Variants in PDSS2 observed in about 807,000 individuals in gnomAD.
The protein encoded by PDSS2 is decaprenyl diphosphate synthase subunit 2, also known as all trans-polyprenyl-diphosphate synthase PDSS2.
A neutral mutation model predicts 44.5 loss-of-function variants in PDSS2; 31 were observed. The observed-to-expected ratio is 0.70, with a 90% CI of 0.52 to 0.94. The LOEUF is 0.94. Ranked by LOEUF, PDSS2 falls within the 40% of genes least tolerant of loss-of-function variation. PDSS2 has a pLI of 0.00. For missense variants in PDSS2, 452 were observed against 482.2 expected (o/e 0.94, Z 0.59); for synonymous variants, 157 against 180.3 (o/e 0.87, Z 1.03).
chr6:107,189,076 T>A (rs1245594954), intron 7 of PDSS2, among the ~76,000 whole-genome samples: 1 of 152,058 alleles, frequency 6.6e-6, no homozygotes, highest in Non-Finnish European at 1.5e-5. Context: ...TACCTAGCTA[T>A]TTTTTAATAT....
rs1480140143 is a variant in PDSS2, at chr6:107,217,105, CA to C, written c.703-4824del. Among the ~76,000 whole-genome samples, 4 of 152,262 alleles carry C rather than the reference CA, an allele frequency of 2.6e-5. No individual in the cohort carries two copies. In the East Asian group the frequency reaches 7.7e-4, roughly 29 times the overall value. ...AGCAAAACCACCACAAAACCACGGG[CA>C]ATGTTAGGAGACAAAGGACAATGAG... On this transcript the variant is annotated intron_variant, in intron 4 of 7. Transcript: ENST00000369037.
intron 1 of PDSS2, among the ~76,000 whole-genome samples, chr6:107,356,460 G>A (rs972774488): frequency 6.6e-6 from 1 of 152,132 alleles, no homozygotes; most frequent in African/African-American, 2.4e-5. Context: ...CCAGAGGTAA[G>A]GAAAACACCT....
chr6:107,201,226 A>G (rs1037780725), intron 6 of PDSS2, among the ~76,000 whole-genome samples: 2 of 151,998 alleles, frequency 1.3e-5, no homozygotes, highest in African/African-American at 4.8e-5. Flanking sequence ...AAAGAAAGTA[A>G]TTTTTTCCAA....
rs543231659 is a variant in PDSS2, at chr6:107,154,685, G to A, written c.1134C>T (p.Ser378=). Residue 378 remains serine, a synonymous_variant, in exon 8 of 8, where the codon AGC becomes AGT. Coordinates refer to ENST00000369037, the MANE Select transcript of PDSS2 (RefSeq NM_020381.4). The part of the protein sequence containing the change: ...HGNKALEALE[S]FPPSEARSAL... The stretch of plus-strand genomic sequence containing the variant: ...CAGATCTGGCCTCCGAGGGAGGAAA[G>A]CTCTCCAGGGCCTCCAGTGCCTTGT... 1.5e-4 allele frequency: 239 copies of A among 1,614,126 alleles called. 3 individuals are homozygous for A. In the South Asian group the frequency reaches 2.5e-3, roughly 17 times the overall value.
At chr6:107,208,427 G>A (rs1290453413) in intron 6 of PDSS2, among the ~76,000 whole-genome samples, 1 of 149,902 alleles carries the variant, frequency 6.7e-6, no homozygotes, top group South Asian at 2.1e-4. Flanking sequence ...CACCTGAGAA[G>A]CTGAGATTAC....
At chr6:107,407,782 C>G (rs1350994098) in intron 1 of PDSS2, among the ~76,000 whole-genome samples, 1 of 151,844 alleles carries the variant, frequency 6.6e-6, no homozygotes, top group Non-Finnish European at 1.5e-5. Context: ...TCACTGCAAT[C>G]TCTGCCTCCT....
intron 1 of PDSS2, among the ~76,000 whole-genome samples, chr6:107,370,774 T>C (rs1372647390): frequency 6.6e-6 from 1 of 152,224 alleles, no homozygotes; most frequent in Non-Finnish European, 1.5e-5. Flanking sequence ...GAAAGTAAGA[T>C]AGTTCTTGAT....
chr6:107,300,378 C>A (rs1326578716), intron 2 of PDSS2, among the ~76,000 whole-genome samples: 1 of 146,160 alleles, frequency 6.8e-6, no homozygotes, highest in Non-Finnish European at 1.5e-5. Flanking sequence ...GTCGGCCAAC[C>A]TCTCCAACAG....
At position 107,159,753 on chromosome 6, in the gene PDSS2, G is replaced by T. The variant is rs140867230; in HGVS notation, c.1042-4976C>A. On this transcript the variant is annotated intron_variant, in intron 7 of 7. Transcript: ENST00000369037. ...ATTTTCATTATCTCTTCTCCAAATT[G>T]ATATTAGGCAGACCAACATTCTCCT... Among the ~76,000 whole-genome samples, 932 of 152,036 alleles carry T rather than the reference G, an allele frequency of 6.1e-3. 10 individuals are homozygous for T. The highest frequency in any genetic ancestry group is 0.022 in the African/African-American group (897 of 41,510).
At chr6:107,317,945 C>T (rs184318324) in intron 2 of PDSS2, among the ~76,000 whole-genome samples, 140 of 152,150 alleles carry the variant, frequency 9.2e-4, no homozygotes, top group South Asian at 7.5e-3. Context: ...ATGTATTCCC[C>T]CTCCCCCCAG....
intron 1 of PDSS2, among the ~76,000 whole-genome samples, chr6:107,372,132 CTTCTA>C (rs1480334712): frequency 2.6e-5 from 4 of 152,132 alleles, no homozygotes; most frequent in African/African-American, 9.7e-5. Context: ...ATGTTATGGA[CTTCTA>C]TTCTAGCAGG....
chr6:107,337,442 C>A (rs1006350638), intron 1 of PDSS2, among the ~76,000 whole-genome samples: 1 of 152,176 alleles, frequency 6.6e-6, no homozygotes, highest in African/African-American at 2.4e-5. Flanking sequence ...GGCTTTAGAA[C>A]CAGACAAGCC....
At chr6:107,318,011 A>C (rs1013195396) in intron 2 of PDSS2, among the ~76,000 whole-genome samples, 3 of 152,208 alleles carry the variant, frequency 2.0e-5, no homozygotes, top group African/African-American at 7.2e-5. Flanking sequence ...GTACTCATTA[A>C]TAAGATGCGA....
intron 3 of PDSS2, among the ~76,000 whole-genome samples, chr6:107,268,217 G>A (rs953710619): frequency 2.6e-5 from 4 of 152,160 alleles, no homozygotes; most frequent in Non-Finnish European, 5.9e-5. Context: ...TCAACAGGAT[G>A]TAAGCAGAAA....
intron 3 of PDSS2, among the ~76,000 whole-genome samples, chr6:107,257,412 G>A (rs1021435758): frequency 2.7e-5 from 4 of 149,018 alleles, no homozygotes; most frequent in Non-Finnish European, 6.0e-5. Context: ...GGTGTCTTGC[G>A]CTGTAGTCCC....
chr6:107,344,796 C>T (rs747490035), intron 1 of PDSS2, among the ~76,000 whole-genome samples: 1 of 152,066 alleles, frequency 6.6e-6, no homozygotes, highest in African/African-American at 2.4e-5. Flanking sequence ...ATGTCGTGAT[C>T]AATCATGTTT....
At chr6:107,253,303 T>C (rs1008539248) in intron 3 of PDSS2, among the ~76,000 whole-genome samples, 1 of 152,266 alleles carries the variant, frequency 6.6e-6, no homozygotes, top group African/African-American at 2.4e-5. Context: ...TCCCAAGTGC[T>C]GGGATTACAG....
intron 1 of PDSS2, among the ~76,000 whole-genome samples, chr6:107,384,887 T>C (rs754028240): frequency 1.7e-4 from 26 of 152,146 alleles, no homozygotes; most frequent in Admixed American, 1.6e-3. Context: ...AAAATTTATA[T>C]AGGTCTGAAA....
At chr6:107,429,884 C>CAAAAAAAAAAAA (rs1163895804) in intron 1 of PDSS2, among the ~76,000 whole-genome samples, 4 of 5,376 alleles carry the variant, frequency 7.4e-4, no homozygotes, top group Admixed American at 1.7e-3. Flanking sequence ...AACTTAGTCT[C>CAAAAAAAAAAAA]AAAAAAAAAA....
Sources: gnomAD v4.1 joint callset for allele counts (sites outside exome capture counted in the v4.1 genomes callset) on GRCh38, gnomAD v4.1.1 for gene constraint, MANE v1.5 for transcripts, NCBI Gene and HGNC (gene_info 2026-07-23, HGNC 2026-07-21) for gene names.